The following COMMD2 variants were observed in gnomAD, a reference collection of about 807,000 sequenced individuals.
The protein encoded by COMMD2 is COMM domain containing 2.
COMMD2 carries 25 observed loss-of-function variants against 22.5 expected under a neutral mutation model. The observed-to-expected ratio is 1.11, with a 90% CI of 0.81 to 1.55. The LOEUF is 1.55. Among genes scored for constraint, COMMD2 ranks in the 40% most tolerant of loss-of-function variants. The probability of loss-of-function intolerance (pLI) is 0.00; values close to 1 mark genes in which losing one functional copy is unlikely to be tolerated. For synonymous variants in COMMD2, 98 were observed against 91.2 expected (o/e 1.07, Z -0.42); for missense variants, 223 against 232.9 (o/e 0.96, Z 0.28).
At chr3:149,745,371 A>C (rs1488124856) in intron 4 of COMMD2, among the ~76,000 whole-genome samples, 1 of 152,214 alleles carries the variant, frequency 6.6e-6, no homozygotes, top group Admixed American at 6.5e-5. Flanking sequence ...GCACTGATTC[A>C]TGCCTATTAT....
chr3:149,746,321 A>T (rs967706599), intron 4 of COMMD2, among the ~76,000 whole-genome samples: 1 of 152,156 alleles, frequency 6.6e-6, no homozygotes, highest in Non-Finnish European at 1.5e-5. Context: ...CAAGGAGAGG[A>T]GTCAAGGAAG....
chr3:149,747,401 C>A (rs1365287883), intron 4 of COMMD2, among the ~76,000 whole-genome samples: 1 of 152,126 alleles, frequency 6.6e-6, no homozygotes, highest in African/African-American at 2.4e-5. Context: ...GAAAGAGGAG[C>A]CTGTGAAGTT....
In COMMD2 at chr3:149,752,419, T is replaced by C. The variant is rs1192038539; in HGVS notation, c.26A>G (p.His9Arg). The change falls in exon 1 of 5, where the codon CAT becomes CGT. Residue 9 changes from histidine (H) to arginine (R), a missense_variant. Coordinates refer to ENST00000473414, the MANE Select transcript of COMMD2 (RefSeq NM_016094.4). MLLELSEEHKEHLAFLPQV... is the reference protein window; with the variant it reads MLLELSEERKEHLAFLPQV... ...AGGCAGGAAGGCCAGGTGTTCCTTA[T>C]GCTCCTCGGACAATTCCAGCAGCAT... is the stretch of plus-strand genomic sequence containing the variant. 8 of 1,613,948 alleles carry C rather than the reference T, an allele frequency of 5.0e-6. No individual in the cohort carries two copies. Among genetic ancestry groups the C allele is most frequent in the African/African-American group, 2.7e-5 (2 of 74,934 alleles).
intron 4 of COMMD2, among the ~76,000 whole-genome samples, chr3:149,742,060 A>G (rs1716244613): frequency 6.6e-6 from 1 of 152,166 alleles, no homozygotes; most frequent in African/African-American, 2.4e-5. Flanking sequence ...ACAGACATAT[A>G]ACCAAAAAAA....
At chr3:149,744,607 C>T (rs988844694) in intron 4 of COMMD2, among the ~76,000 whole-genome samples, 2 of 152,202 alleles carry the variant, frequency 1.3e-5, no homozygotes, top group African/African-American at 4.8e-5. Flanking sequence ...AATTGTCCAT[C>T]ACTACCAGTC....
intron 4 of COMMD2, among the ~76,000 whole-genome samples, chr3:149,744,306 G>C (rs1239220678): frequency 6.6e-6 from 1 of 152,152 alleles, no homozygotes; most frequent in Non-Finnish European, 1.5e-5. Context: ...CATAAATTAT[G>C]TTTCATGTAG....
chr3:149,741,626 C>T lies in COMMD2; in HGVS notation c.495G>A (p.Leu165=), dbSNP rs11549572. The change falls in exon 5 of 5, where the codon CTG becomes CTA. Residue 165 remains leucine, a synonymous_variant. Coordinates refer to ENST00000473414, the MANE Select transcript of COMMD2 (RefSeq NM_016094.4). ...NQNGDHNTKV[L]QTDPATLLHL... is the part of the protein sequence containing the mutation. ...GGAGCAGGGTGGCTGGGTCTGTCTG[C>T]AGAACTTTGGTGTTGTGATCTCCAT... 183,324 of 1,613,648 alleles carry T rather than the reference C, an allele frequency of 0.11. 18,888 individuals carry two copies. Among genetic ancestry groups the T allele is most frequent in the African/African-American group, 0.54 (40,410 of 74,812 alleles).
At chr3:149,747,228 A>G (rs1201307512) in intron 4 of COMMD2, among the ~76,000 whole-genome samples, 1 of 152,254 alleles carries the variant, frequency 6.6e-6, no homozygotes, top group African/African-American at 2.4e-5. Flanking sequence ...TAGGCTAAAG[A>G]TATAAATTTG....
intron 2 of COMMD2, chr3:149,751,859 A>C (rs2108254112): frequency 3.6e-6 from 1 of 275,516 alleles, no homozygotes; most frequent in East Asian, 6.6e-5. Flanking sequence ...GCAAAAGCGG[A>C]TATCTGAACA....
chr3:149,744,579 G>A lies in COMMD2; in HGVS notation c.403-2861C>T, dbSNP rs529562429. Among the ~76,000 whole-genome samples the A allele has an allele frequency of 1.1e-4, 16 of 152,308 alleles. No individual in the cohort carries two copies. In the South Asian group the frequency reaches 1.9e-3, roughly 18 times the overall value. On this transcript the variant is annotated intron_variant, in intron 4 of 4. Transcript: ENST00000473414. ...ATTAATTTGATTCCCATAAACAACT[G>A]CATAATAATTAGGTGGTAATTGTCC...
At chr3:149,752,037 T>C (rs776855706) in intron 2 of COMMD2, 173 bp downstream of exon 2, 9 of 563,118 alleles carry the variant, frequency 1.6e-5, no homozygotes, top group African/African-American at 3.8e-5. Flanking sequence ...ATCTCACAGC[T>C]ACTTAAGGGA....
intron 3 of COMMD2, 31 bp downstream of exon 3, chr3:149,751,372 C>T: frequency 3.1e-6 from 5 of 1,613,574 alleles, no homozygotes; most frequent in Non-Finnish European, 4.2e-6. Flanking sequence ...AAGAATCCAG[C>T]CAACACAAAA....
At chr3:149,752,176 G>A in intron 2 of COMMD2, 34 bp downstream of exon 2, 1 of 1,594,496 alleles carries the variant, frequency 6.3e-7, no homozygotes. Context: ...AACCGCCCTA[G>A]AAGCCTGCGG....
rs1576660828 is a variant in COMMD2 at position 149,750,980 on chromosome 3, C to A, written c.229-129G>T. On this transcript the variant is annotated intron_variant, in intron 3 of 4. Coordinates refer to ENST00000473414, the MANE Select transcript of COMMD2 (RefSeq NM_016094.4). The stretch of plus-strand genomic sequence containing the variant: ...TAAAAGAAACAGCATTCCTTAACCA[C>A]TGACCACCATTCCAAAATCTGTGTT... The A allele has an allele frequency of 5.6e-5, 34 of 607,570 alleles. No homozygotes were observed. The East Asian group carries it at 1.0e-3, about 19-fold the overall frequency. The allele number at this position is 607,570 out of a possible 1,614,324, so 37.6% of individuals were successfully genotyped here.
intron 2 of COMMD2, chr3:149,751,938 T>C: frequency 4.9e-6 from 2 of 406,856 alleles, no homozygotes; most frequent in Non-Finnish European, 8.7e-6. Context: ...TTGGTATATT[T>C]ATACAAAACA....
intron 4 of COMMD2, among the ~76,000 whole-genome samples, chr3:149,750,047 ATC>A (rs1397369793): frequency 1.3e-5 from 2 of 152,186 alleles, no homozygotes; most frequent in South Asian, 2.1e-4. Context: ...CTACTAACTC[ATC>A]TCTCTCTGCT....
intron 4 of COMMD2, among the ~76,000 whole-genome samples, chr3:149,743,928 C>T (rs1007088236): frequency 4.6e-5 from 7 of 152,070 alleles, no homozygotes; most frequent in Admixed American, 4.6e-4. Flanking sequence ...TTTTAGACAA[C>T]GTATCTAAAT....
intron 4 of COMMD2, among the ~76,000 whole-genome samples, chr3:149,747,601 G>A (rs1015462946): frequency 2.0e-5 from 3 of 152,156 alleles, no homozygotes; most frequent in Non-Finnish European, 2.9e-5. Context: ...AAGAGATGAC[G>A]GGAAGAGAGA....
intron 4 of COMMD2, among the ~76,000 whole-genome samples, chr3:149,749,910 G>A (rs1355587478): frequency 1.3e-5 from 2 of 152,052 alleles, no homozygotes. Flanking sequence ...GTTATTTTGA[G>A]AATGCCTAAT....
Sources: allele counts gnomAD v4.1 joint callset (sites outside exome capture counted in the v4.1 genomes callset), GRCh38; gene constraint gnomAD v4.1.1; transcripts MANE v1.5; gene names NCBI Gene and HGNC (gene_info 2026-07-23, HGNC 2026-07-21).